Variants in PIR observed in about 807,000 individuals in gnomAD.
The protein encoded by PIR is pirin (iron-binding nuclear protein).
Under a neutral mutation model 24.2 loss-of-function variants are expected in PIR, and 22 were observed. The ratio of observed to expected loss-of-function variants is 0.91; its 90% confidence interval spans 0.65 to 1.30. PIR has a LOEUF of 1.30. Ranked by LOEUF, PIR falls within the 50% of genes most tolerant of loss-of-function variation. The probability of loss-of-function intolerance (pLI) is 0.00; values close to 1 mark genes in which losing one functional copy is unlikely to be tolerated. For missense variants in PIR, 220 were observed against 220.3 expected (o/e 1.00, Z 0.01); for synonymous variants, 80 against 79.6 (o/e 1.00, Z -0.03).
At chrX:15,396,283 G>A (rs1569192795) in intron 8 of PIR, among the ~76,000 whole-genome samples, 1 of 111,139 alleles carries the variant, frequency 9.0e-6, no homozygotes, top group South Asian at 3.9e-4. Flanking sequence ...TTTTTCTTCC[G>A]TTTACCTCAC....
At chrX:15,481,386 C>T (rs186164716) in intron 2 of PIR, among the ~76,000 whole-genome samples, 1 of 111,599 alleles carries the variant, frequency 9.0e-6, no homozygotes, top group African/African-American at 3.2e-5. Flanking sequence ...TTATCAAATT[C>T]TATGAAGAAA....
At chrX:15,473,688 C>T (rs1054712633) in intron 3 of PIR, among the ~76,000 whole-genome samples, 1 of 111,103 alleles carries the variant, frequency 9.0e-6, no homozygotes, top group Non-Finnish European at 1.9e-5. Flanking sequence ...TCCCAAGTAA[C>T]TGGGATTACA....
At chrX:15,483,151 CAT>C (rs1922600724) in intron 2 of PIR, among the ~76,000 whole-genome samples, 1 of 61,045 alleles carries the variant, frequency 1.6e-5, no homozygotes, top group Non-Finnish European at 3.3e-5. Context: ...ATATACATAA[CAT>C]ATACATTATA....
intron 3 of PIR, among the ~76,000 whole-genome samples, chrX:15,477,753 C>T (rs899085896): frequency 8.9e-6 from 1 of 111,807 alleles, no homozygotes; most frequent in Non-Finnish European, 1.9e-5. Flanking sequence ...AAGAGCATCG[C>T]TTCATTCAAC....
rs111560741 is a variant in PIR at position 15,435,148 on chromosome X, T to C, written c.481-9158A>G. On this transcript the variant is annotated intron_variant, in intron 5 of 9. Coordinates refer to ENST00000380420, the MANE Select transcript of PIR (RefSeq NM_001018109.3). ...ATCATTTGAACCTGGGAGGTGGAGATTGCAGTGGACTGACATTGCATCACT... is the reference window on the plus strand; with the variant it reads ...ATCATTTGAACCTGGGAGGTGGAGACTGCAGTGGACTGACATTGCATCACT... 7.3e-3 allele frequency among the ~76,000 whole-genome samples: 800 copies of C among 109,464 alleles called. 10 individuals carry two copies. Among genetic ancestry groups the C allele is most frequent in the African/African-American group, 0.025 (759 of 29,946 alleles).
chrX:15,456,129 C>G (rs1921074825), intron 4 of PIR, 75 bp from the exon 5 acceptor site: 1 of 851,904 alleles, frequency 1.2e-6, no homozygotes, highest in South Asian at 2.1e-5. Context: ...AATTACAACA[C>G]CATCACTAAG....
chrX:15,486,171 T>C (rs1030953717), intron 2 of PIR, among the ~76,000 whole-genome samples: 8 of 107,804 alleles, frequency 7.4e-5, no homozygotes, highest in Non-Finnish European at 1.3e-4. Context: ...CTGGCCAACA[T>C]AGTGAAACCC....
intron 5 of PIR, among the ~76,000 whole-genome samples, chrX:15,433,101 C>T (rs1475764799): frequency 8.9e-6 from 1 of 112,504 alleles, no homozygotes; most frequent in Non-Finnish European, 1.9e-5. Context: ...TTGGCAGTGG[C>T]AGATATGAAT....
chrX:15,435,303 G>A (rs1457368763), intron 5 of PIR, among the ~76,000 whole-genome samples: 3 of 112,495 alleles, frequency 2.7e-5, no homozygotes, highest in East Asian at 5.6e-4. Flanking sequence ...GAATTATTTT[G>A]ACAATTAACT....
intron 7 of PIR, among the ~76,000 whole-genome samples, chrX:15,404,229 A>G (rs1273084103): frequency 2.7e-5 from 3 of 111,081 alleles, no homozygotes; most frequent in Non-Finnish European, 5.7e-5. Context: ...TCAAACTCCC[A>G]GCCTCAAGTG....
chrX:15,475,644 T>C (rs1922153214), intron 3 of PIR, among the ~76,000 whole-genome samples: 2 of 112,281 alleles, frequency 1.8e-5, no homozygotes, highest in Admixed American at 1.9e-4. Context: ...AAGTACCTCC[T>C]TTTTCGAGCT....
chrX:15,491,965 C>T (rs1004637484), intron 1 of PIR, among the ~76,000 whole-genome samples: 1 of 109,862 alleles, frequency 9.1e-6, no homozygotes, highest in Non-Finnish European at 1.9e-5. Flanking sequence ...TCTGTTGGCC[C>T]CTTACTAAAA....
intron 8 of PIR, among the ~76,000 whole-genome samples, chrX:15,394,963 G>C (rs1027877239): frequency 5.4e-5 from 6 of 112,066 alleles, no homozygotes; most frequent in African/African-American, 1.9e-4. Flanking sequence ...TGTGATGGTG[G>C]AGAACACAGA....
intron 3 of PIR, among the ~76,000 whole-genome samples, chrX:15,466,006 G>GTTTTTTTTTTTTT (rs200803758): frequency 1.9e-3 from 119 of 63,086 alleles, no homozygotes; most frequent in African/African-American, 3.1e-3. Flanking sequence ...AATGGTGGCT[G>GTTTTTTTTTTTTT]TTTTTTTTTT....
chrX:15,441,850 G>A lies in PIR; in HGVS notation c.480+13998C>T, dbSNP rs141385527. Among the ~76,000 whole-genome samples, 166 of 111,417 alleles carry A rather than the reference G, an allele frequency of 1.5e-3. 1 individual carries two copies. Among genetic ancestry groups the A allele is most frequent in the African/African-American group, 5.3e-3 (161 of 30,620 alleles). On this transcript the variant is annotated intron_variant, in intron 5 of 9. Coordinates refer to ENST00000380420, the MANE Select transcript of PIR (RefSeq NM_001018109.3). ...GTAGGTACACCTCTGCCTGGACGTG[G>A]TTAATGAAGCCGGGGAAGTATTAAG...
chrX:15,422,611 C>T (rs760969937), intron 6 of PIR, among the ~76,000 whole-genome samples: 178 of 110,744 alleles, frequency 1.6e-3, no homozygotes, highest in African/African-American at 5.6e-3. Context: ...ACCTGGGAAT[C>T]AACTTAACCA....
rs182061648 is a variant in PIR at position 15,413,336 on chromosome X, G to A, written c.566-5786C>T. 4.2e-3 allele frequency among the ~76,000 whole-genome samples: 463 copies of A among 111,514 alleles called. 2 individuals are homozygous for A. The highest frequency in any genetic ancestry group is 0.015 in the African/African-American group (445 of 30,653). On this transcript the variant is annotated intron_variant, in intron 6 of 9. Transcript: ENST00000380420. ...TCACACCAAGCCAATTAGTCTCTTCGACTGCGGAGCAAAGCTCAGCAGGGT... is the reference window on the plus strand; with the variant it reads ...TCACACCAAGCCAATTAGTCTCTTCAACTGCGGAGCAAAGCTCAGCAGGGT...
intron 5 of PIR, among the ~76,000 whole-genome samples, chrX:15,449,858 TC>T (rs1569205112): frequency 8.9e-6 from 1 of 112,082 alleles, no homozygotes; most frequent in African/African-American, 3.2e-5. Flanking sequence ...TTTTTGCTGT[TC>T]TTTTTGTCTT....
intron 2 of PIR, among the ~76,000 whole-genome samples, chrX:15,489,270 T>C (rs1236091154): frequency 8.9e-6 from 1 of 112,719 alleles, no homozygotes; most frequent in East Asian, 2.7e-4. Flanking sequence ...TTTTTAAAAT[T>C]GTTCTTAACC....
Sources: gnomAD v4.1 joint callset for allele counts (sites outside exome capture counted in the v4.1 genomes callset) on GRCh38, gnomAD v4.1.1 for gene constraint, MANE v1.5 for transcripts, NCBI Gene and HGNC (gene_info 2026-07-23, HGNC 2026-07-21) for gene names.